The following TPST2 variants were observed in gnomAD, a reference collection of about 807,000 sequenced individuals.
TPST2 encodes protein-tyrosine sulfotransferase 2.
A neutral mutation model predicts 27.8 loss-of-function variants in TPST2; 16 were observed. The observed-to-expected ratio is 0.58, with a 90% CI of 0.39 to 0.88. The LOEUF is 0.88. Among genes scored for constraint, TPST2 ranks in the 40% least tolerant of loss-of-function variants. TPST2 has a pLI of 0.00. For synonymous variants in TPST2, 229 were observed against 231.7 expected (o/e 0.99, Z 0.10); for missense variants, 464 against 543.1 (o/e 0.85, Z 1.45).
intron 1 of TPST2, among the ~76,000 whole-genome samples, chr22:26,586,867 G>A (rs964886667): frequency 1.5e-4 from 23 of 152,208 alleles, no homozygotes; most frequent in South Asian, 2.1e-4. Context: ...TCTTGCTGAA[G>A]CAAAGAGTGT....
intron 3 of TPST2, among the ~76,000 whole-genome samples, chr22:26,538,888 A>C (rs1925636062): frequency 6.6e-6 from 1 of 152,196 alleles, no homozygotes; most frequent in Non-Finnish European, 1.5e-5. Context: ...AAGGGCTCCC[A>C]CACCACCGTG....
At chr22:26,562,213 C>T (rs572829700) in intron 1 of TPST2, among the ~76,000 whole-genome samples, 1 of 152,312 alleles carries the variant, frequency 6.6e-6, no homozygotes, top group Non-Finnish European at 1.5e-5. Context: ...GCTGTGTGAC[C>T]TTGGGAGAGT....
chr22:26,550,350 A>G (rs2147202643), intron 1 of TPST2, among the ~76,000 whole-genome samples: 1 of 152,336 alleles, frequency 6.6e-6, no homozygotes, highest in South Asian at 2.1e-4. Context: ...GCTCAGAAGC[A>G]AATGCCCATG....
intron 6 of TPST2, among the ~76,000 whole-genome samples, chr22:26,526,848 TG>T (rs1431592457): frequency 6.6e-6 from 1 of 152,020 alleles, no homozygotes; most frequent in Non-Finnish European, 1.5e-5. Flanking sequence ...GAGGCTGAGG[TG>T]GGCAGATCAC....
At chr22:26,579,840 A>G (rs1928022108) in intron 1 of TPST2, among the ~76,000 whole-genome samples, 2 of 145,404 alleles carry the variant, frequency 1.4e-5, no homozygotes, top group Non-Finnish European at 3.0e-5. Context: ...GGGGAGAGAG[A>G]GTCAGAGGAG....
At chr22:26,535,496 G>A (rs569467785) in intron 4 of TPST2, among the ~76,000 whole-genome samples, 4 of 152,350 alleles carry the variant, frequency 2.6e-5, no homozygotes, top group African/African-American at 9.6e-5. Flanking sequence ...AAAGCATTTT[G>A]TCAGTCACTG....
At chr22:26,550,142 A>G (rs1194102286) in intron 1 of TPST2, among the ~76,000 whole-genome samples, 3 of 152,140 alleles carry the variant, frequency 2.0e-5, no homozygotes, top group Admixed American at 6.5e-5. Flanking sequence ...GGGAGGGGCT[A>G]ATCAATCTAA....
At chr22:26,559,013 G>A (rs1926947112) in intron 1 of TPST2, among the ~76,000 whole-genome samples, 2 of 152,190 alleles carry the variant, frequency 1.3e-5, no homozygotes, top group Non-Finnish European at 2.9e-5. Context: ...CATTTAGATT[G>A]TTTCATAACA....
At chr22:26,583,917 T>A (rs753018752) in intron 1 of TPST2, among the ~76,000 whole-genome samples, 24 of 152,162 alleles carry the variant, frequency 1.6e-4, no homozygotes, top group Admixed American at 1.3e-4. Context: ...CATCCTCAGA[T>A]CCCCTGAAAA....
chr22:26,569,808 G>A (rs986900121), intron 1 of TPST2, among the ~76,000 whole-genome samples: 22 of 151,420 alleles, frequency 1.5e-4, no homozygotes, highest in African/African-American at 4.6e-4. Context: ...AAAATTAGCC[G>A]GGCGTGGTCG....
intron 3 of TPST2, among the ~76,000 whole-genome samples, chr22:26,538,214 G>A (rs1925585329): frequency 6.6e-6 from 1 of 152,240 alleles, no homozygotes; most frequent in South Asian, 2.1e-4. Context: ...CCGGGCGTGA[G>A]GTGAGGAGAA....
chr22:26,588,287 C>A (rs5997106), intron 1 of TPST2, among the ~76,000 whole-genome samples: 1,795 of 151,746 alleles, frequency 0.012, 34 homozygotes, highest in African/African-American at 0.041. Context: ...CATCAGATAC[C>A]AAAGGCCACA....
chr22:26,558,156 CACACACACACAT>C (rs1368942837), intron 1 of TPST2, among the ~76,000 whole-genome samples: 3 of 58,012 alleles, frequency 5.2e-5, no homozygotes, highest in African/African-American at 1.5e-4. Flanking sequence ...CACACACACA[CACACACACACAT>C]ATATATGTCG....
intron 3 of TPST2, among the ~76,000 whole-genome samples, chr22:26,539,410 G>T (rs1925665542): frequency 6.6e-6 from 1 of 152,112 alleles, no homozygotes; most frequent in African/African-American, 2.4e-5. Context: ...AAGGGACAGA[G>T]GGAGGAAGGA....
chr22:26,573,187 C>T (rs1214558797), intron 1 of TPST2, among the ~76,000 whole-genome samples: 1 of 152,240 alleles, frequency 6.6e-6, no homozygotes, highest in Non-Finnish European at 1.5e-5. Context: ...GTACACACCA[C>T]CACACCTGGC....
intron 1 of TPST2, among the ~76,000 whole-genome samples, chr22:26,557,607 T>C (rs562995960): frequency 3.2e-4 from 48 of 151,930 alleles, no homozygotes; most frequent in African/African-American, 1.1e-3. Flanking sequence ...AGCTTGGAGT[T>C]ATCCTGGGGA....
chr22:26,559,474 T>A, intron 1 of TPST2, among the ~76,000 whole-genome samples: 1 of 152,218 alleles, frequency 6.6e-6, no homozygotes, highest in East Asian at 1.9e-4. Flanking sequence ...CTCACAGAGT[T>A]TTCGTATAGT....
chr22:26,588,957 TG>T (rs1379295080), intron 1 of TPST2, among the ~76,000 whole-genome samples: 2 of 151,986 alleles, frequency 1.3e-5, no homozygotes, highest in African/African-American at 4.8e-5. Context: ...GCTAACTCTG[TG>T]GGGTTCAAAA....
intron 4 of TPST2, among the ~76,000 whole-genome samples, chr22:26,534,475 G>A (rs1435040739): frequency 1.3e-5 from 2 of 152,216 alleles, no homozygotes; most frequent in African/African-American, 2.4e-5. Context: ...AAGAGTTGAT[G>A]TTAACCACCA....
Sources: allele counts gnomAD v4.1 joint callset (sites outside exome capture counted in the v4.1 genomes callset), GRCh38; gene constraint gnomAD v4.1.1; transcripts MANE v1.5; gene names NCBI Gene and HGNC (gene_info 2026-07-23, HGNC 2026-07-21).